Variants in FCHO2 observed in about 807,000 individuals in gnomAD.
The protein encoded by FCHO2 is FCH and mu domain containing endocytic adaptor 2.
In FCHO2, 43 loss-of-function variants were observed where a neutral mutation model predicts 114.1. That is an observed-to-expected ratio of 0.38 (90% CI 0.30 to 0.49). FCHO2 has a LOEUF of 0.49. Among genes scored for constraint, FCHO2 ranks in the 20% least tolerant of loss-of-function variants. The pLI, the probability that FCHO2 is intolerant of heterozygous loss-of-function variation, is 0.97. For synonymous variants in FCHO2, 293 were observed against 315.2 expected (o/e 0.93, Z 0.75); for missense variants, 807 against 950.4 (o/e 0.85, Z 1.98).
chr5:72,982,013 G>T (rs1466806141), intron 2 of FCHO2, among the ~76,000 whole-genome samples: 2 of 152,122 alleles, frequency 1.3e-5, no homozygotes, highest in African/African-American at 2.4e-5. Flanking sequence ...GTGGTCCTTT[G>T]TGCTTGAAAC....
At position 73,071,974 on chromosome 5, in the gene FCHO2, A is replaced by C. The variant is rs76778698; in HGVS notation, c.1580-2768A>C. Among the ~76,000 whole-genome samples the C allele has an allele frequency of 1.9e-3, 283 of 152,110 alleles. 3 individuals are homozygous for C. Among genetic ancestry groups the C allele is most frequent in the African/African-American group, 6.4e-3 (266 of 41,536 alleles). Reference sequence around the variant, plus strand: ...TTTTAGTGTCAAAGCAGTAGTAGACATTAATGTTACCATTGACTTTATATA... The same window carrying C: ...TTTTAGTGTCAAAGCAGTAGTAGACCTTAATGTTACCATTGACTTTATATA... On this transcript the variant is annotated intron_variant, in intron 19 of 25. Coordinates refer to ENST00000430046, the MANE Select transcript of FCHO2 (RefSeq NM_138782.3).
At chr5:73,022,874 A>G (rs1037347326) in intron 8 of FCHO2, among the ~76,000 whole-genome samples, 6 of 152,140 alleles carry the variant, frequency 3.9e-5, no homozygotes, top group Admixed American at 1.3e-4. Flanking sequence ...TTCCTACTGT[A>G]GACTTTTTCC....
chr5:73,082,710 A>G (rs1380744057), intron 23 of FCHO2, 51 bp from the exon 24 acceptor site: 5 of 1,402,888 alleles, frequency 3.6e-6, no homozygotes, highest in Non-Finnish European at 4.9e-6. Flanking sequence ...CCATTCATGT[A>G]TCAGGTACTA....
chr5:72,990,067 G>A (rs1054375269), intron 3 of FCHO2, among the ~76,000 whole-genome samples: 1 of 151,856 alleles, frequency 6.6e-6, no homozygotes, highest in African/African-American at 2.4e-5. Flanking sequence ...GCTTTTGCAT[G>A]TTTAAATTCA....
intron 1 of FCHO2, among the ~76,000 whole-genome samples, chr5:72,961,554 G>A (rs1751865401): frequency 2.0e-5 from 3 of 151,448 alleles, no homozygotes; most frequent in African/African-American, 7.3e-5. Flanking sequence ...TTTTTCTCTG[G>A]TAATCAAGAT....
intron 8 of FCHO2, among the ~76,000 whole-genome samples, chr5:73,030,039 C>CT (rs1247598046): frequency 2.1e-5 from 3 of 140,276 alleles, no homozygotes; most frequent in African/African-American, 7.9e-5. Context: ...TTCTTTCTTT[C>CT]TTTTTGTTTT....
intron 11 of FCHO2, among the ~76,000 whole-genome samples, chr5:73,041,671 AAC>A (rs1486208165): frequency 6.6e-6 from 1 of 152,120 alleles, no homozygotes; most frequent in Non-Finnish European, 1.5e-5. Flanking sequence ...ATTAAAATAC[AAC>A]ATTGTGCGTG....
intron 2 of FCHO2, among the ~76,000 whole-genome samples, chr5:72,972,263 T>C (rs1437117759): frequency 2.0e-5 from 3 of 151,752 alleles, no homozygotes; most frequent in Non-Finnish European, 4.4e-5. Context: ...TTGATGGGGA[T>C]GGCATTGAAT....
intron 5 of FCHO2, chr5:72,997,654 C>T (rs1192414051): frequency 6.6e-7 from 1 of 1,508,716 alleles, no homozygotes; most frequent in African/African-American, 1.4e-5. Flanking sequence ...GACAGCTGCT[C>T]CCCCTTCACC....
rs1756929700 is a variant in FCHO2 at position 73,043,879 on chromosome 5, G to A, written c.939+2564G>A. On this transcript the variant is annotated intron_variant, in intron 11 of 25. Transcript: ENST00000430046. ...GTTTTTACTTATTTTATTTTGAGAT[G>A]GGGTCTTGCTCTGTGGCTGATGTGA... Among the ~76,000 whole-genome samples, 3 of 152,214 alleles carry A rather than the reference G, an allele frequency of 2.0e-5. 1 individual carries two copies. The South Asian group carries it at 6.2e-4, about 32-fold the overall frequency.
rs71614499 is a variant in FCHO2, at chr5:72,996,869, G to GC, written c.495+6010dup. On this transcript the variant is annotated intron_variant, in intron 5 of 25. Transcript: ENST00000430046. Reference sequence around the variant, plus strand: ...GGGCTGGCGGAGCTGTGCCACGGGGGCCCCCGGGGCCGGCGGGGCCGGCAG... The same window carrying GC: ...GGGCTGGCGGAGCTGTGCCACGGGGGCCCCCCGGGGCCGGCGGGGCCGGCAG... The GC allele has an allele frequency of 4.3e-4, 609 of 1,401,360 alleles. 9 individuals carry two copies. In the South Asian group the frequency reaches 7.4e-3, roughly 17 times the overall value. 86.8% of individuals were successfully genotyped at this position (1,401,360 alleles called of 1,614,324 possible). A position where few individuals can be genotyped will look rare whatever the true frequency, so the allele number is the denominator to read the frequency against.
intron 5 of FCHO2, chr5:72,997,271 G>T: frequency 7.7e-7 from 1 of 1,302,988 alleles, no homozygotes; most frequent in Middle Eastern, 2.2e-4. Context: ...TTTGGAAGTC[G>T]TGAGCGAGTG....
At chr5:72,980,812 C>G (rs1023147060) in intron 2 of FCHO2, among the ~76,000 whole-genome samples, 2 of 152,100 alleles carry the variant, frequency 1.3e-5, no homozygotes, top group African/African-American at 4.8e-5. Context: ...ATTCCTCCAT[C>G]CCTTTATTTT....
chr5:73,039,137 T>C (rs1756677993), intron 10 of FCHO2, among the ~76,000 whole-genome samples: 1 of 152,144 alleles, frequency 6.6e-6, no homozygotes, highest in South Asian at 2.1e-4. Flanking sequence ...CATCATCACC[T>C]TCTTTCAAAC....
chr5:73,005,723 C>T (rs1305994382), intron 5 of FCHO2, among the ~76,000 whole-genome samples: 7 of 152,106 alleles, frequency 4.6e-5, no homozygotes, highest in Non-Finnish European at 2.9e-5. Flanking sequence ...TTTACCTTAA[C>T]TTCTGTGGCT....
chr5:73,016,332 T>C, intron 7 of FCHO2, among the ~76,000 whole-genome samples: 1 of 148,218 alleles, frequency 6.7e-6, no homozygotes, highest in Non-Finnish European at 1.5e-5. Context: ...TAAAAAATAT[T>C]TTAAATTGTT....
chr5:73,033,181 T>C (rs1277733688), intron 8 of FCHO2, among the ~76,000 whole-genome samples: 2 of 152,164 alleles, frequency 1.3e-5, no homozygotes, highest in African/African-American at 4.8e-5. Context: ...TTCTGACTCT[T>C]TAAGGCTTTT....
At chr5:72,973,305 G>A (rs1206412098) in intron 2 of FCHO2, among the ~76,000 whole-genome samples, 1 of 152,192 alleles carries the variant, frequency 6.6e-6, no homozygotes, top group Admixed American at 6.5e-5. Flanking sequence ...ACCTCTGGTA[G>A]AATTTGGCTG....
chr5:72,990,792 A>G lies in FCHO2; in HGVS notation c.423A>G (p.Glu141=). 1 of 1,553,568 alleles carries G rather than the reference A, an allele frequency of 6.4e-7. No individual in the cohort carries two copies. Among genetic ancestry groups the G allele is most frequent in the Non-Finnish European group, 8.7e-7 (1 of 1,147,836 alleles). ...SITQALQKSK[E]NYNAKCVEQE... ...CTCAGGCCCTCCAGAAATCCAAGGAAAATTACAATGCCAAGTGTGTAGAAC... is the reference window on the plus strand; with the variant it reads ...CTCAGGCCCTCCAGAAATCCAAGGAGAATTACAATGCCAAGTGTGTAGAAC... Residue 141 remains glutamate, a synonymous_variant, in exon 5 of 26, where the codon GAA becomes GAG. Coordinates refer to ENST00000430046, the MANE Select transcript of FCHO2 (RefSeq NM_138782.3).
Sources: gnomAD v4.1 joint callset for allele counts (sites outside exome capture counted in the v4.1 genomes callset) on GRCh38, gnomAD v4.1.1 for gene constraint, MANE v1.5 for transcripts, NCBI Gene and HGNC (gene_info 2026-07-23, HGNC 2026-07-21) for gene names.